SEM1: variants seen among roughly 807,000 people sequenced by gnomAD.
SEM1 encodes the protein SEM1 26S proteasome subunit.
Under a neutral mutation model 12.7 loss-of-function variants are expected in SEM1, and 3 were observed. That is an observed-to-expected ratio of 0.24 (90% confidence interval 0.11 to 0.61). The LOEUF is 0.61. Among genes scored for constraint, SEM1 ranks in the 20% least tolerant of loss-of-function variants. The probability of loss-of-function intolerance (pLI) is 0.88; values close to 1 mark genes in which losing one functional copy is unlikely to be tolerated. For missense variants in SEM1, 59 were observed against 81.3 expected, an observed-to-expected ratio of 0.73 and a Z score of 1.06; for synonymous variants, 30 against 27.8, an observed-to-expected ratio of 1.08 and a Z score of -0.25.
chr7:96,529,039 G>A (rs1804556122), intron 2 of SEM1, among the ~76,000 whole-genome samples: 1 of 152,008 alleles, frequency 6.6e-6, no homozygotes, highest in African/African-American at 2.4e-5. Flanking sequence ...AACTCATTTT[G>A]GTTTGGAAGA....
intron 2 of SEM1, among the ~76,000 whole-genome samples, chr7:96,581,585 G>C (rs1177470575): frequency 1.3e-5 from 2 of 152,098 alleles, no homozygotes; most frequent in Non-Finnish European, 2.9e-5. Context: ...TCATGATATT[G>C]ATTCTTCCTA....
chr7:96,566,786 A>G (rs777942251), intron 2 of SEM1, among the ~76,000 whole-genome samples: 1 of 151,606 alleles, frequency 6.6e-6, no homozygotes, highest in Non-Finnish European at 1.5e-5. Context: ...TAGTGATTAA[A>G]TCTCTGATAT....
chr7:96,489,962 G>A (rs1802939014), intron 1 of SEM1, among the ~76,000 whole-genome samples: 1 of 152,046 alleles, frequency 6.6e-6, no homozygotes, highest in Admixed American at 6.6e-5. Context: ...GTAAAGTCAT[G>A]TTCTGAGGTT....
At chr7:96,524,293 A>C (rs1050179431) in intron 2 of SEM1, among the ~76,000 whole-genome samples, 3 of 152,144 alleles carry the variant, frequency 2.0e-5, no homozygotes, top group African/African-American at 7.2e-5. Context: ...CTGAAAAGAT[A>C]TAGACCAAAG....
intron 2 of SEM1, among the ~76,000 whole-genome samples, chr7:96,520,979 C>T (rs950510429): frequency 1.3e-5 from 2 of 151,938 alleles, no homozygotes; most frequent in African/African-American, 4.8e-5. Flanking sequence ...CATGCAATGC[C>T]GAAGCTGACA....
intron 2 of SEM1, among the ~76,000 whole-genome samples, chr7:96,570,198 CTT>C (rs777955274): frequency 2.1e-5 from 3 of 142,024 alleles, no homozygotes; most frequent in African/African-American, 7.6e-5. Flanking sequence ...CATTTTTTGA[CTT>C]TTTTTTTTTT....
At chr7:96,598,638 G>A (rs1017114648) in intron 2 of SEM1, among the ~76,000 whole-genome samples, 2 of 152,090 alleles carry the variant, frequency 1.3e-5, no homozygotes, top group African/African-American at 2.4e-5. Flanking sequence ...GCTCATTAAA[G>A]AAGAATGCAT....
intron 2 of SEM1, among the ~76,000 whole-genome samples, chr7:96,530,802 G>A (rs1468403015): frequency 6.6e-6 from 1 of 152,016 alleles, no homozygotes; most frequent in Non-Finnish European, 1.5e-5. Context: ...ATAGGGAGTA[G>A]GAAAGAGTAC....
At chr7:96,582,260 A>G (rs1174336660) in intron 2 of SEM1, among the ~76,000 whole-genome samples, 2 of 148,292 alleles carry the variant, frequency 1.3e-5, no homozygotes, top group East Asian at 4.0e-4. Flanking sequence ...TTCTGTTTAT[A>G]TGCTGGATTA....
chr7:96,552,195 C>CTTT (rs34556753), intron 2 of SEM1, among the ~76,000 whole-genome samples: 5 of 151,282 alleles, frequency 3.3e-5, no homozygotes, highest in African/African-American at 1.2e-4. Context: ...GAGTTTCTCT[C>CTTT]TTTTTTTTAT....
chr7:96,514,691 T>C (rs1804035768), intron 2 of SEM1, among the ~76,000 whole-genome samples: 1 of 152,102 alleles, frequency 6.6e-6, no homozygotes, highest in African/African-American at 2.4e-5. Flanking sequence ...CAGTTAGGTA[T>C]AAATCTAACA....
At chr7:96,683,878 G>C (rs1789689334), downstream of SEM1, among the ~76,000 whole-genome samples, 1 of 152,174 alleles carries the variant, frequency 6.6e-6, no homozygotes. Context: ...AGTCTGTCAG[G>C]GGGTGGCGGA....
chr7:96,526,110 CCT>C (rs1024428999), intron 2 of SEM1, among the ~76,000 whole-genome samples: 10 of 152,196 alleles, frequency 6.6e-5, no homozygotes, highest in Middle Eastern at 3.4e-3. Flanking sequence ...CAAACCAACC[CCT>C]GTCAAACTTT....
At chr7:96,618,868 T>C (rs959177116), downstream of SEM1, among the ~76,000 whole-genome samples, 2 of 152,142 alleles carry the variant, frequency 1.3e-5, no homozygotes, top group African/African-American at 2.4e-5. Context: ...GGAGGATCAC[T>C]TGAGCCCAGG....
intron 2 of SEM1, among the ~76,000 whole-genome samples, chr7:96,591,443 T>C (rs1806825701): frequency 6.6e-6 from 1 of 152,222 alleles, no homozygotes; most frequent in South Asian, 2.1e-4. Flanking sequence ...ACACTTCCCT[T>C]GAATTAATAT....
intron 2 of SEM1, among the ~76,000 whole-genome samples, chr7:96,585,762 A>G (rs949333186): frequency 9.2e-5 from 14 of 152,304 alleles, no homozygotes; most frequent in African/African-American, 3.1e-4. Context: ...TTCTTTGACT[A>G]GGAAAGGGAA....
chr7:96,574,139 T>C (rs1806127889), intron 2 of SEM1, among the ~76,000 whole-genome samples: 1 of 152,048 alleles, frequency 6.6e-6, no homozygotes, highest in African/African-American at 2.4e-5. Context: ...CCTGTGTCCA[T>C]GTGTTCTCAT....
chr7:96,682,108 G>A (rs570555379), intron 2 of SEM1, among the ~76,000 whole-genome samples: 241 of 152,108 alleles, frequency 1.6e-3, no homozygotes, highest in African/African-American at 5.6e-3. Flanking sequence ...CACACCCCTT[G>A]TAAATTGTAG....
intron 2 of SEM1, among the ~76,000 whole-genome samples, chr7:96,645,219 G>A (rs1244008075): frequency 2.0e-5 from 3 of 152,090 alleles, no homozygotes; most frequent in Non-Finnish European, 4.4e-5. Flanking sequence ...TTGTTCGTTC[G>A]TAAACTGCCA....
Sources: allele counts gnomAD v4.1 joint callset (sites outside exome capture counted in the v4.1 genomes callset), GRCh38; gene constraint gnomAD v4.1.1; transcripts MANE v1.5; gene names NCBI Gene and HGNC (gene_info 2026-07-23, HGNC 2026-07-21).